Variants in TENM2 observed in about 807,000 individuals in gnomAD.
TENM2 encodes teneurin-2.
TENM2 carries 52 observed loss-of-function variants against 245.2 expected under a neutral mutation model. That is an observed-to-expected ratio of 0.21 (90% CI 0.17 to 0.27). The LOEUF is 0.27. Among genes scored for constraint, TENM2 ranks in the 10% least tolerant of loss-of-function variants. The pLI is 1.00. For synonymous variants in TENM2, 1,363 were observed against 1,438.9 expected (o/e 0.95, Z 1.19); for missense variants, 3,046 against 3,666.8 (o/e 0.83, Z 4.37).
At chr5:167,245,009 G>C in the TENM2 span, among the ~76,000 whole-genome samples, 2 of 151,782 alleles carry the variant, frequency 1.3e-5, no homozygotes, top group Admixed American at 1.3e-4. Context: ...CTGTCAAATT[G>C]GTTCCAATTA....
chr5:168,214,994 C>G, intron 20 of TENM2, 46 bp from the exon 23 acceptor site: 1 of 1,537,320 alleles, frequency 6.5e-7, no homozygotes, highest in African/African-American at 1.4e-5. Flanking sequence ...AGGAGGCCAG[C>G]TCCATAGCCC....
chr5:168,238,169 G>A (rs1410489553), intron 25 of TENM2, among the ~76,000 whole-genome samples: 1 of 71,498 alleles, frequency 1.4e-5, no homozygotes, highest in Admixed American at 1.8e-4. Flanking sequence ...GAGAGAGAGA[G>A]AGAGAGAGAG....
At chr5:167,224,513 T>C in the TENM2 span, among the ~76,000 whole-genome samples, 1 of 152,044 alleles carries the variant, frequency 6.6e-6, no homozygotes, top group Non-Finnish European at 1.5e-5. Context: ...TGTGGGCTTA[T>C]TTCTGCATTT....
At chr5:167,451,459 C>T (rs1159885076) in intron 2 of TENM2, among the ~76,000 whole-genome samples, 1 of 152,192 alleles carries the variant, frequency 6.6e-6, no homozygotes, top group Non-Finnish European at 1.5e-5. Context: ...TTTATCTTAT[C>T]TGGGTGAAGG....
intron 2 of TENM2, among the ~76,000 whole-genome samples, chr5:167,772,252 G>A (rs999408188): frequency 1.2e-4 from 18 of 152,184 alleles, no homozygotes; most frequent in Admixed American, 1.0e-3. Context: ...AATACCACTT[G>A]AGAAAATAAT....
chr5:168,108,901 C>G (rs72824998), intron 9 of TENM2, among the ~76,000 whole-genome samples: 32,779 of 152,140 alleles, frequency 0.22, 3,748 homozygotes, highest in Admixed American at 0.26. Context: ...CTGAGGGTAG[C>G]TGGTCCTCCC....
At chr5:167,693,884 T>C (rs1757591000) in intron 2 of TENM2, among the ~76,000 whole-genome samples, 1 of 152,168 alleles carries the variant, frequency 6.6e-6, no homozygotes, top group Non-Finnish European at 1.5e-5. Context: ...GAATATTCCT[T>C]ACTGGGTATA....
chr5:167,729,540 T>G (rs1760269548), intron 2 of TENM2, among the ~76,000 whole-genome samples: 1 of 152,190 alleles, frequency 6.6e-6, no homozygotes, highest in African/African-American at 2.4e-5. Flanking sequence ...TAAAGGCTAA[T>G]GTAATTGGGT....
At chr5:167,837,628 C>A (rs1310817116) in intron 2 of TENM2, among the ~76,000 whole-genome samples, 1 of 152,208 alleles carries the variant, frequency 6.6e-6, no homozygotes, top group African/African-American at 2.4e-5. Flanking sequence ...ACCTCATCCA[C>A]TTTCTATTAA....
At chr5:168,186,687 A>T (rs1459279198) in intron 13 of TENM2, 1 of 152,214 alleles carries the variant, frequency 6.6e-6, no homozygotes, top group Non-Finnish European at 1.5e-5. Flanking sequence ...AAGTAGGTAG[A>T]TAAATAAATA....
chr5:166,993,212 A>G, the TENM2 span, among the ~76,000 whole-genome samples: 1 of 152,142 alleles, frequency 6.6e-6, no homozygotes, highest in Non-Finnish European at 1.5e-5. Flanking sequence ...GAAGCTGCTT[A>G]CATAATACCC....
the TENM2 span, among the ~76,000 whole-genome samples, chr5:167,030,560 A>G: frequency 2.0e-5 from 3 of 152,012 alleles, no homozygotes; most frequent in South Asian, 2.1e-4. Context: ...CCCCATGCAG[A>G]TTTGCTCTTT....
chr5:167,773,983 C>T (rs929975577), intron 2 of TENM2, among the ~76,000 whole-genome samples: 12 of 151,972 alleles, frequency 7.9e-5, no homozygotes, highest in African/African-American at 2.4e-5. Context: ...GAAGGGTTCT[C>T]GACTGTGATT....
At chr5:167,698,149 C>T (rs1306113892) in intron 2 of TENM2, among the ~76,000 whole-genome samples, 4 of 152,162 alleles carry the variant, frequency 2.6e-5, no homozygotes, top group South Asian at 2.1e-4. Flanking sequence ...CAGGCAGCCT[C>T]TATGTGCAGT....
At chr5:168,237,024 TTTTTTTTTTGA>T (rs1765566487) in intron 25 of TENM2, among the ~76,000 whole-genome samples, 1 of 59,984 alleles carries the variant, frequency 1.7e-5, no homozygotes, top group African/African-American at 6.2e-5. Flanking sequence ...TTTTTTTTTT[TTTTTTTTTTGA>T]GACAGAGCCT....
the TENM2 span, among the ~76,000 whole-genome samples, chr5:167,019,919 C>A: frequency 6.6e-6 from 1 of 151,842 alleles, no homozygotes; most frequent in Non-Finnish European, 1.5e-5. Context: ...AATAATTTAC[C>A]AAATTCTAGT....
At chr5:167,252,950 T>C in the TENM2 span, among the ~76,000 whole-genome samples, 839 of 152,260 alleles carry the variant, frequency 5.5e-3, 13 homozygotes, top group African/African-American at 0.019. Context: ...TTAAATGAAG[T>C]ATAATATAAA....
chr5:167,658,704 A>T (rs568548514), intron 2 of TENM2, among the ~76,000 whole-genome samples: 2 of 152,296 alleles, frequency 1.3e-5, no homozygotes, highest in East Asian at 3.9e-4. Context: ...GGTATTAAAA[A>T]TTGTAACTGA....
chr5:167,749,411 G>A (rs565959729), intron 2 of TENM2, among the ~76,000 whole-genome samples: 3 of 152,194 alleles, frequency 2.0e-5, no homozygotes, highest in East Asian at 3.9e-4. Context: ...AGGCCGAAGC[G>A]GGCAGATCAT....
Sources: allele counts gnomAD v4.1 joint callset (sites outside exome capture counted in the v4.1 genomes callset), GRCh38; gene constraint gnomAD v4.1.1; transcripts MANE v1.5; gene names NCBI Gene and HGNC (gene_info 2026-07-23, HGNC 2026-07-21).